STK3: variants seen among roughly 807,000 people sequenced by gnomAD.
STK3 encodes serine/threonine kinase 3, also known as serine/threonine-protein kinase 3.
In STK3, 41 loss-of-function variants were observed where a neutral mutation model predicts 58.0. The observed-to-expected ratio is 0.71, with a 90% CI of 0.55 to 0.92. The LOEUF (loss-of-function observed/expected upper bound fraction) is 0.92. Among genes scored for constraint, STK3 ranks in the 40% least tolerant of loss-of-function variants. The pLI, the probability that STK3 is intolerant of heterozygous loss-of-function variation, is 0.00. For missense variants in STK3, 479 were observed against 602.7 expected (o/e 0.79, Z 2.15); for synonymous variants, 170 against 191.0 (o/e 0.89, Z 0.91).
chr8:98,584,419 G>A (rs954294784), intron 7 of STK3, among the ~76,000 whole-genome samples: 6 of 151,918 alleles, frequency 3.9e-5, no homozygotes, highest in African/African-American at 1.4e-4. Flanking sequence ...TCCTACAAAG[G>A]ACATGAACTC....
rs572249639 is a variant in STK3, at chr8:98,619,390, A to G, written c.685-23221T>C. Among the ~76,000 whole-genome samples the G allele has an allele frequency of 1.1e-3, 160 of 151,298 alleles. 1 individual carries two copies. Among genetic ancestry groups the G allele is most frequent in the African/African-American group, 3.7e-3 (149 of 40,758 alleles). On this transcript the variant is annotated intron_variant, in intron 6 of 10. Transcript: ENST00000419617. Reference sequence around the variant, plus strand: ...GAAGAAAACCTAGGCATTACCATTCAGGACATAGGCGTGGGGAAGGACTTC... The same window carrying G: ...GAAGAAAACCTAGGCATTACCATTCGGGACATAGGCGTGGGGAAGGACTTC...
At chr8:98,700,046 T>C (rs550522363) in intron 6 of STK3, among the ~76,000 whole-genome samples, 2 of 152,344 alleles carry the variant, frequency 1.3e-5, no homozygotes, top group South Asian at 4.1e-4. Flanking sequence ...CTGCTTTGTT[T>C]ACCTAAGCAA....
At position 98,406,203 on chromosome 8, in the gene STK3, C is replaced by T. The variant is rs547486861; in HGVS notation, n.484-4690G>A. Among the ~76,000 whole-genome samples, 4 of 152,096 alleles carry T rather than the reference C, an allele frequency of 2.6e-5. No individual in the cohort carries two copies. In the East Asian group the frequency reaches 7.7e-4, roughly 29 times the overall value. Reference sequence around the variant, plus strand: ...TAAGTATTTGCTAACTGAATATAGGCTTACTTATCTTCCCCCCAGGCATTT... The same window carrying T: ...TAAGTATTTGCTAACTGAATATAGGTTTACTTATCTTCCCCCCAGGCATTT... On this transcript the variant is annotated intron_variant and non_coding_transcript_variant, in intron 3 of 3. Coordinates refer to the STK3 transcript ENST00000517832.
At chr8:98,573,225 A>G (rs1181191816) in intron 8 of STK3, among the ~76,000 whole-genome samples, 1 of 152,200 alleles carries the variant, frequency 6.6e-6, no homozygotes, top group African/African-American at 2.4e-5. Context: ...GAAAATTTAG[A>G]AACTGTTGTA....
chr8:98,707,441 T>A (rs1826046207), intron 4 of STK3, 130 bp from the exon 5 acceptor site: 4 of 691,480 alleles, frequency 5.8e-6, no homozygotes, highest in Non-Finnish European at 4.6e-6. Context: ...CCCACTCTGT[T>A]GCCCAGGCTA....
intron 3 of STK3, chr8:98,427,900 C>T: frequency 7.9e-7 from 1 of 1,264,354 alleles, no homozygotes; most frequent in Non-Finnish European, 1.1e-6. Context: ...CGCCAGGGCG[C>T]ACGGCGCTCT....
chr8:98,559,977 A>G (rs1403712542), intron 8 of STK3, among the ~76,000 whole-genome samples: 1 of 152,152 alleles, frequency 6.6e-6, no homozygotes, highest in Non-Finnish European at 1.5e-5. Flanking sequence ...AAGAAAACCA[A>G]GAGCAATAAA....
At chr8:98,656,993 T>C (rs1157377787) in intron 6 of STK3, among the ~76,000 whole-genome samples, 3 of 152,054 alleles carry the variant, frequency 2.0e-5, no homozygotes, top group Non-Finnish European at 2.9e-5. Context: ...TACAGATGGA[T>C]ACAAAATGAC....
intron 3 of STK3, among the ~76,000 whole-genome samples, chr8:98,877,367 T>C (rs1166480920): frequency 6.6e-6 from 1 of 152,194 alleles, no homozygotes; most frequent in Non-Finnish European, 1.5e-5. Flanking sequence ...GCTTAAGGTG[T>C]TAGAACAAAT....
At chr8:98,548,763 AG>A (rs1331936191) in intron 8 of STK3, among the ~76,000 whole-genome samples, 1 of 152,134 alleles carries the variant, frequency 6.6e-6, no homozygotes, top group African/African-American at 2.4e-5. Flanking sequence ...TACTTACAAG[AG>A]GTATCTAGAA....
intron 6 of STK3, among the ~76,000 whole-genome samples, chr8:98,699,191 G>A (rs1167084969): frequency 6.6e-6 from 1 of 152,020 alleles, no homozygotes; most frequent in East Asian, 1.9e-4. Flanking sequence ...CGTAGTTCTC[G>A]AGCCTTGGCT....
chr8:98,855,743 G>A (rs758769133), intron 3 of STK3, among the ~76,000 whole-genome samples: 1 of 152,142 alleles, frequency 6.6e-6, no homozygotes, highest in Non-Finnish European at 1.5e-5. Context: ...TGGGCACAGT[G>A]ACTCACATCT....
chr8:98,927,845 G>T (rs1839859183), intron 1 of STK3, among the ~76,000 whole-genome samples: 1 of 152,206 alleles, frequency 6.6e-6, no homozygotes, highest in South Asian at 2.1e-4. Context: ...AGAAGAGAAT[G>T]AGGCCATATA....
At chr8:98,487,550 A>C (rs1329477809) in intron 10 of STK3, among the ~76,000 whole-genome samples, 2 of 152,190 alleles carry the variant, frequency 1.3e-5, no homozygotes, top group Non-Finnish European at 2.9e-5. Context: ...ACTCAGTCTA[A>C]ATTTTTTGTC....
intron 6 of STK3, among the ~76,000 whole-genome samples, chr8:98,691,966 A>G (rs1824444422): frequency 6.6e-6 from 1 of 152,008 alleles, no homozygotes; most frequent in Non-Finnish European, 1.5e-5. Context: ...TGAATTGAAT[A>G]GACAGTTCCC....
intron 6 of STK3, among the ~76,000 whole-genome samples, chr8:98,620,514 CAA>C (rs1181787226): frequency 2.3e-5 from 3 of 132,702 alleles, no homozygotes; most frequent in Admixed American, 7.4e-5. Context: ...AGGTCAACAT[CAA>C]AAAAAAAAAG....
At chr8:98,488,921 G>A (rs1764926662) in intron 10 of STK3, among the ~76,000 whole-genome samples, 1 of 152,116 alleles carries the variant, frequency 6.6e-6, no homozygotes. Flanking sequence ...TTATATGGAC[G>A]TTTCTGGGCA....
At chr8:98,549,314 G>A (rs912213472) in intron 8 of STK3, among the ~76,000 whole-genome samples, 1 of 152,118 alleles carries the variant, frequency 6.6e-6, no homozygotes, top group African/African-American at 2.4e-5. Flanking sequence ...TGAACATGAA[G>A]TGTTATCACA....
intron 1 of STK3, among the ~76,000 whole-genome samples, chr8:98,783,027 G>C (rs1832207845): frequency 6.7e-6 from 1 of 148,522 alleles, no homozygotes; most frequent in East Asian, 2.0e-4. Context: ...AGGAGAGGGA[G>C]AGAGAGAGAG....
Sources: gnomAD v4.1 joint callset for allele counts (sites outside exome capture counted in the v4.1 genomes callset) on GRCh38, gnomAD v4.1.1 for gene constraint, MANE v1.5 for transcripts, NCBI Gene and HGNC (gene_info 2026-07-23, HGNC 2026-07-21) for gene names.